The following TRIP12 variants were observed in gnomAD, a reference collection of about 807,000 sequenced individuals.
The protein encoded by TRIP12 is thyroid hormone receptor interactor 12.
In TRIP12, 25 loss-of-function variants were observed where a neutral mutation model predicts 244.2. The observed-to-expected ratio is 0.10, with a 90% CI of 0.07 to 0.14. The LOEUF (loss-of-function observed/expected upper bound fraction) is 0.14. TRIP12 is among the 10% of genes least tolerant of loss of function. TRIP12 has a pLI of 1.00. For missense variants in TRIP12, 1,677 were observed against 2,486.4 expected (o/e 0.67, Z 6.92); for synonymous variants, 905 against 873.1 (o/e 1.04, Z -0.64).
chr2:229,892,350 A>G (rs907387810), intron 1 of TRIP12, among the ~76,000 whole-genome samples: 1 of 152,186 alleles, frequency 6.6e-6, no homozygotes, highest in Admixed American at 6.5e-5. Context: ...GTGTAGGAAA[A>G]AAGTCTGCAA....
intron 2 of TRIP12, among the ~76,000 whole-genome samples, chr2:229,867,220 T>C (rs915223365): frequency 4.8e-5 from 7 of 146,116 alleles, no homozygotes; most frequent in Admixed American, 2.1e-4. Context: ...GGCTGAAGTG[T>C]AGTGGCATGA....
intron 2 of TRIP12, among the ~76,000 whole-genome samples, chr2:229,871,560 G>T (rs2062609313): frequency 6.6e-6 from 1 of 152,072 alleles, no homozygotes; most frequent in Non-Finnish European, 1.5e-5. Flanking sequence ...TGGTATGCTG[G>T]CTTTGCTTTC....
intron 10 of TRIP12, 32 bp from the exon 11 acceptor site, chr2:229,815,226 C>T: frequency 6.3e-7 from 1 of 1,584,432 alleles, no homozygotes; most frequent in East Asian, 2.2e-5. Flanking sequence ...TGAGTAAAAA[C>T]TCAAAACTTA....
intron 1 of TRIP12, among the ~76,000 whole-genome samples, chr2:229,920,300 T>C (rs1362267206): frequency 6.6e-6 from 1 of 152,088 alleles, no homozygotes; most frequent in East Asian, 1.9e-4. Context: ...GAGAGGAACA[T>C]AAAGTTAAAC....
At chr2:229,789,544 T>C (rs1290959583) in intron 31 of TRIP12, 67 bp downstream of exon 31, 3 of 1,553,890 alleles carry the variant, frequency 1.9e-6, no homozygotes, top group African/African-American at 1.4e-5. Context: ...TGTTTCCATT[T>C]CTAGTGCAAT....
chr2:229,788,356 A>C (rs1159834315), intron 32 of TRIP12, among the ~76,000 whole-genome samples: 1 of 152,134 alleles, frequency 6.6e-6, no homozygotes, highest in African/African-American at 2.4e-5. Flanking sequence ...CTCCCAGTCC[A>C]TGTCTGTGGA....
chr2:229,796,353 AAG>A (rs2154263971), intron 25 of TRIP12, among the ~76,000 whole-genome samples: 1 of 152,326 alleles, frequency 6.6e-6, no homozygotes, highest in East Asian at 1.9e-4. Flanking sequence ...GCAAGCAAAA[AAG>A]ACTCAAGATA....
intron 1 of TRIP12, among the ~76,000 whole-genome samples, chr2:229,908,069 C>A (rs1034528911): frequency 1.6e-4 from 24 of 152,082 alleles, no homozygotes; most frequent in African/African-American, 5.8e-4. Context: ...TATCATTATT[C>A]ATACATTATC....
At chr2:229,788,703 C>T (rs1575009605) in intron 32 of TRIP12, 95 bp downstream of exon 32, 6 of 1,458,798 alleles carry the variant, frequency 4.1e-6, no homozygotes, top group African/African-American at 1.4e-5. Flanking sequence ...AAACATTTGA[C>T]TAGGTCCAGT....
intron 20 of TRIP12, among the ~76,000 whole-genome samples, chr2:229,803,112 G>GT (rs1217813151): frequency 6.6e-6 from 1 of 152,208 alleles, no homozygotes; most frequent in Non-Finnish European, 1.5e-5. Context: ...TATATTTAAC[G>GT]TGAGTGAATG....
At chr2:229,905,565 C>G (rs1483855705) in intron 1 of TRIP12, among the ~76,000 whole-genome samples, 1 of 152,126 alleles carries the variant, frequency 6.6e-6, no homozygotes, top group Non-Finnish European at 1.5e-5. Context: ...ATAACAAAAG[C>G]ATTATTGATC....
At chr2:229,872,868 T>C (rs1283790610) in intron 2 of TRIP12, among the ~76,000 whole-genome samples, 1 of 152,190 alleles carries the variant, frequency 6.6e-6, no homozygotes, top group Non-Finnish European at 1.5e-5. Context: ...GCCAACTGTT[T>C]TAAAGCTTCT....
At chr2:229,773,843 T>A in intron 38 of TRIP12, 1 of 319,178 alleles carries the variant, frequency 3.1e-6, no homozygotes, top group South Asian at 9.5e-5. Flanking sequence ...TTTTTTAAAC[T>A]AAGAAAACGT....
intron 2 of TRIP12, among the ~76,000 whole-genome samples, chr2:229,875,026 C>T (rs1463635129): frequency 6.6e-6 from 1 of 152,048 alleles, no homozygotes; most frequent in Non-Finnish European, 1.5e-5. Context: ...AGGTAGTATC[C>T]CTGAGAGCAA....
At chr2:229,876,721 G>A (rs984692094) in intron 2 of TRIP12, among the ~76,000 whole-genome samples, 1 of 152,062 alleles carries the variant, frequency 6.6e-6, no homozygotes, top group Admixed American at 6.5e-5. Context: ...ATGCACTGGC[G>A]TGCCCAGTCA....
upstream of TRIP12, chr2:229,922,649 T>C (rs370257979): frequency 2.1e-5 from 34 of 1,597,116 alleles, no homozygotes; most frequent in South Asian, 3.3e-5. Context: ...CCTAACTCCC[T>C]ACCTGGCCCG....
rs537435000 is a variant in TRIP12, at chr2:229,788,112, A to C, written c.4839-451T>G. Among the ~76,000 whole-genome samples the C allele has an allele frequency of 9.8e-4, 149 of 152,260 alleles. 1 individual carries two copies. Among genetic ancestry groups the C allele is most frequent in the Non-Finnish European group, 1.8e-3 (121 of 68,022 alleles). ...GCCACCACGTCCAGCCAGGTCAATT[A>C]ATTTTTAAGAATTTTCATACTTCTT... On this transcript the variant is annotated intron_variant, in intron 32 of 41. Coordinates refer to ENST00000675903, the MANE Select transcript of TRIP12 (RefSeq NM_001348323.3).
chr2:229,851,139 G>GCC (rs1439560400), intron 4 of TRIP12, among the ~76,000 whole-genome samples: 1 of 152,254 alleles, frequency 6.6e-6, no homozygotes, highest in Non-Finnish European at 1.5e-5. Flanking sequence ...TCCACGTGCA[G>GCC]CCCCGGTGCA....
rs1032159418 is a variant in TRIP12, at chr2:229,880,135, GA to G, written c.-49-8del. 1.3e-4 allele frequency: 182 copies of G among 1,423,758 alleles called. No homozygotes were observed. Among genetic ancestry groups the G allele is most frequent in the East Asian group, 5.2e-4 (21 of 40,770 alleles). 88.2% of individuals were successfully genotyped at this position (1,423,758 alleles called of 1,614,324 possible). On this transcript the variant is annotated splice_region_variant and splice_polypyrimidine_tract_variant and intron_variant, in intron 1 of 41. Coordinates refer to ENST00000675903, the MANE Select transcript of TRIP12 (RefSeq NM_001348323.3). ...TTCTAGACACTACCATTCACTAAAA[GA>G]AAAAAAAATAAACAAAATTTATCAG...
Sources: gnomAD v4.1 joint callset for allele counts (sites outside exome capture counted in the v4.1 genomes callset) on GRCh38, gnomAD v4.1.1 for gene constraint, MANE v1.5 for transcripts, NCBI Gene and HGNC (gene_info 2026-07-23, HGNC 2026-07-21) for gene names.